Variants in ANGPT4 observed in about 807,000 individuals in gnomAD.
ANGPT4 encodes angiopoietin-4.
ANGPT4 carries 50 observed loss-of-function variants against 53.0 expected under a neutral mutation model. The ratio of observed to expected loss-of-function variants is 0.94; its 90% CI spans 0.75 to 1.20. ANGPT4 has a LOEUF of 1.20. Ranked by LOEUF, ANGPT4 falls within the 50% of genes most tolerant of loss-of-function variation. The pLI is 0.00. For missense variants in ANGPT4, 648 were observed against 637.1 expected (o/e 1.02, Z -0.18); for synonymous variants, 251 against 259.7 (o/e 0.97, Z 0.32).
chr20:894,999 G>A (rs937111232), intron 1 of ANGPT4, among the ~76,000 whole-genome samples: 6 of 152,106 alleles, frequency 3.9e-5, no homozygotes, highest in East Asian at 1.9e-4. Context: ...TGCCACACCC[G>A]CCCACCAGCA....
chr20:887,035 G>C (rs1408087134), intron 3 of ANGPT4, among the ~76,000 whole-genome samples: 2 of 152,240 alleles, frequency 1.3e-5, no homozygotes, highest in Non-Finnish European at 2.9e-5. Flanking sequence ...TGAATGGAAG[G>C]ATACACAAGA....
chr20:901,281 T>A (rs1264204639), intron 1 of ANGPT4, among the ~76,000 whole-genome samples: 3 of 152,174 alleles, frequency 2.0e-5, no homozygotes, highest in African/African-American at 7.2e-5. Flanking sequence ...CTGATGCAAC[T>A]GGAGAACCAC....
Position 916,294 on chromosome 20 carries a change from T to C in ANGPT4, c.-80A>G, listed in dbSNP as rs1982945071. 1 of 1,471,536 alleles carries C rather than the reference T, an allele frequency of 6.8e-7. No homozygotes were observed. The highest frequency in any genetic ancestry group is 1.4e-5 in the African/African-American group (1 of 72,180). 91.2% of individuals were successfully genotyped at this position (1,471,536 alleles called of 1,614,324 possible). ...TGGGATGTCCTGCTGCAGCCAACAG[T>C]GGCCAGGCTTGCCTGCAGCTGCAGC... On this transcript the variant is annotated 5_prime_UTR_variant, in exon 1 of 9. Coordinates refer to ENST00000381922, the MANE Select transcript of ANGPT4 (RefSeq NM_015985.4).
At position 914,458 on chromosome 20, in the gene ANGPT4, G is replaced by A. The variant is rs1054794980; in HGVS notation, c.309+1448C>T. On this transcript the variant is annotated intron_variant, in intron 1 of 8. Coordinates refer to ENST00000381922, the MANE Select transcript of ANGPT4 (RefSeq NM_015985.4). This position sits in a 1 kb window ranked among gnomAD's most constrained non-coding sequence, Gnocchi z 5.0. ...TTGCTTTTATTCGGATGCATGGTTA[G>A]CCCTGGGAGGAGGGAGAGGATGTAA... 6.6e-6 allele frequency among the ~76,000 whole-genome samples: 1 copy of A among 152,030 alleles called. No individual in the cohort carries two copies. Among genetic ancestry groups the A allele is most frequent in the Non-Finnish European group, 1.5e-5 (1 of 68,012 alleles).
intron 1 of ANGPT4, among the ~76,000 whole-genome samples, chr20:892,175 T>C (rs1325955885): frequency 6.6e-6 from 1 of 151,956 alleles, no homozygotes; most frequent in Non-Finnish European, 1.5e-5. Flanking sequence ...CCAGTTTCTC[T>C]GATCTCATCA....
Position 915,898 on chromosome 20 carries a change from C to T in ANGPT4, c.309+8G>A, listed in dbSNP as rs769649352. 5.8e-6 allele frequency: 9 copies of T among 1,557,126 alleles called. No individual in the cohort carries two copies. The South Asian group carries it at 8.6e-5, about 15-fold the overall frequency. ...CTCTGCCCCCTGCAAACCTCCCATG[C>T]CCCGTACCTTCTTCAGCCACTGCGT... On this transcript the variant is annotated splice_region_variant and intron_variant, in intron 1 of 8. Coordinates refer to ENST00000381922, the MANE Select transcript of ANGPT4 (RefSeq NM_015985.4).
At chr20:875,928 G>A (rs1426660338) in intron 7 of ANGPT4, among the ~76,000 whole-genome samples, 1 of 152,044 alleles carries the variant, frequency 6.6e-6, no homozygotes, top group East Asian at 1.9e-4. Flanking sequence ...CCAGGAGTTC[G>A]AGATCAGCCT....
chr20:890,514 G>C (rs6118095), intron 1 of ANGPT4, 146 bp from the exon 2 acceptor site: 301,144 of 675,794 alleles, frequency 0.45, 73,763 homozygotes, highest in African/African-American at 0.75. Flanking sequence ...CCACCATTAC[G>C]TCTTGCCTGG....
intron 1 of ANGPT4, among the ~76,000 whole-genome samples, chr20:902,793 C>G (rs1982337175): frequency 6.6e-6 from 1 of 152,114 alleles, no homozygotes; most frequent in Non-Finnish European, 1.5e-5. Flanking sequence ...GAAGGCCTGT[C>G]CCACACAAGG....
At chr20:903,561 C>T (rs1053914300) in intron 1 of ANGPT4, among the ~76,000 whole-genome samples, 2 of 152,226 alleles carry the variant, frequency 1.3e-5, no homozygotes, top group Non-Finnish European at 2.9e-5. Context: ...CTGCTCTAAA[C>T]CCTGCCTTGG....
At chr20:898,079 A>G (rs1460856505) in intron 1 of ANGPT4, among the ~76,000 whole-genome samples, 1 of 150,902 alleles carries the variant, frequency 6.6e-6, no homozygotes, top group Non-Finnish European at 1.5e-5. Context: ...ACTCATCCCA[A>G]ATCTTTTTTT....
At chr20:878,379 C>G in intron 6 of ANGPT4, 52 bp from the exon 7 acceptor site, 7 of 1,546,488 alleles carry the variant, frequency 4.5e-6, no homozygotes, top group Non-Finnish European at 6.2e-6. Context: ...GAGGCCATGT[C>G]CCTGGCTGAG....
chr20:890,452 T>A, intron 1 of ANGPT4, 84 bp from the exon 2 acceptor site: 1 of 1,337,476 alleles, frequency 7.5e-7, no homozygotes, highest in South Asian at 1.4e-5. Context: ...GGGAGGGCAC[T>A]GAGCAGCCAC....
chr20:881,753 C>T (rs531256797), intron 4 of ANGPT4, among the ~76,000 whole-genome samples: 1 of 152,316 alleles, frequency 6.6e-6, no homozygotes, highest in East Asian at 1.9e-4. Flanking sequence ...AGGGCCAAGT[C>T]AGCCGTGAGT....
chr20:885,161 A>G lies in ANGPT4; in HGVS notation c.752T>C (p.Leu251Pro). The change falls in exon 4 of 9, where the codon CTG becomes CCG. Residue 251 changes from leucine to proline, a missense_variant. Coordinates refer to ENST00000381922, the MANE Select transcript of ANGPT4 (RefSeq NM_015985.4). ...GCGCAGGCTGTGCTGCTGGTCCTGCAGGAGGCTGGAGTTGTGCCTGACACC... is the reference window on the plus strand; with the variant it reads ...GCGCAGGCTGTGCTGCTGGTCCTGCGGGAGGCTGGAGTTGTGCCTGACACC... ...LRGVRHNSSLLQDQQHSLRQL... is the reference protein window; with the variant it reads ...LRGVRHNSSLPQDQQHSLRQL... 1 of 1,609,844 alleles carries G rather than the reference A, an allele frequency of 6.2e-7. No individual in the cohort carries two copies. The highest frequency in any genetic ancestry group is 8.5e-7 in the Non-Finnish European group (1 of 1,178,376).
chr20:889,173 T>TC lies in ANGPT4; in HGVS notation c.466-735dup, dbSNP rs534198484. Reference sequence around the variant, plus strand: ...TTGCTGTATGAGCTTGCAGCTCTCATCCCCCCCCACCACTCCCAATGCACC... The same window carrying TC: ...TTGCTGTATGAGCTTGCAGCTCTCATCCCCCCCCCACCACTCCCAATGCACC... On this transcript the variant is annotated intron_variant, in intron 2 of 8. Transcript: ENST00000381922. Among the ~76,000 whole-genome samples, 1,010 of 151,048 alleles carry TC rather than the reference T, an allele frequency of 6.7e-3. 15 individuals are homozygous for TC. Among genetic ancestry groups the TC allele is most frequent in the African/African-American group, 0.022 (916 of 41,048 alleles).
intron 2 of ANGPT4, 26 bp from the exon 3 acceptor site, chr20:888,465 G>C: frequency 6.2e-7 from 1 of 1,604,264 alleles, no homozygotes; most frequent in South Asian, 1.1e-5. Flanking sequence ...GAAGCAGGTA[G>C]GGGGCTGCGT....
rs1037766569 is a variant in ANGPT4 at position 871,104 on chromosome 20, C to T, written c.*1856G>A. 5 of 152,372 alleles carry T rather than the reference C, an allele frequency of 3.3e-5. No homozygotes were observed. The highest frequency in any genetic ancestry group is 3.3e-4 in the Admixed American group (5 of 15,298). The allele number at this position is 152,372 out of a possible 1,614,324, so 9.4% of individuals were successfully genotyped here. On this transcript the variant is annotated 3_prime_UTR_variant, in exon 9 of 9. Coordinates refer to ENST00000381922, the MANE Select transcript of ANGPT4 (RefSeq NM_015985.4). ...ACAGTAGAGGCTAAATAAAGGTCTG[C>T]TGGGCAAATGCTGCTTAAGGCGATT...
At chr20:893,501 T>C (rs1369419231) in intron 1 of ANGPT4, among the ~76,000 whole-genome samples, 1 of 152,194 alleles carries the variant, frequency 6.6e-6, no homozygotes, top group Non-Finnish European at 1.5e-5. Context: ...TGCCAAGAGG[T>C]CTGAGGATCC....
Sources: allele counts gnomAD v4.1 joint callset (sites outside exome capture counted in the v4.1 genomes callset), GRCh38; gene constraint gnomAD v4.1.1; non-coding constraint Gnocchi (gnomAD v3.1); transcripts MANE v1.5; gene names NCBI Gene and HGNC (gene_info 2026-07-23, HGNC 2026-07-21).